Variants in SYTL5 observed in about 807,000 individuals in gnomAD.
SYTL5 encodes synaptotagmin-like protein 5.
SYTL5 carries 34 observed loss-of-function variants against 55.9 expected under a neutral mutation model. The observed-to-expected ratio is 0.61, with a 90% CI of 0.46 to 0.81. The LOEUF (loss-of-function observed/expected upper bound fraction) is 0.81. Ranked by LOEUF, SYTL5 falls within the 30% of genes least tolerant of loss-of-function variation. The probability of loss-of-function intolerance (pLI) is 0.00; values close to 1 mark genes in which losing one functional copy is unlikely to be tolerated. For missense variants in SYTL5, 637 were observed against 546.7 expected (o/e 1.17, Z -1.65); for synonymous variants, 221 against 188.7 (o/e 1.17, Z -1.40).
intron 6 of SYTL5, among the ~76,000 whole-genome samples, chrX:38,078,923 G>A (rs1479763235): frequency 3.6e-5 from 4 of 112,212 alleles, no homozygotes; most frequent in Admixed American, 1.9e-4. Flanking sequence ...GAGTGCTTTG[G>A]CTTAAGCATG....
chrX:37,946,972 G>C, the SYTL5 span, among the ~76,000 whole-genome samples: 1 of 110,773 alleles, frequency 9.0e-6, no homozygotes, highest in African/African-American at 3.3e-5. Flanking sequence ...GGAATACATG[G>C]ATAATAAGTA....
chrX:37,952,777 T>A, the SYTL5 span, among the ~76,000 whole-genome samples: 1 of 111,057 alleles, frequency 9.0e-6, no homozygotes, highest in Non-Finnish European at 1.9e-5. Flanking sequence ...GAGAAAATGA[T>A]AGATTCAAGA....
chrX:37,903,656 A>C, the SYTL5 span, among the ~76,000 whole-genome samples: 1 of 110,606 alleles, frequency 9.0e-6, no homozygotes, highest in African/African-American at 3.3e-5. Flanking sequence ...CATATGTAAC[A>C]AACCTGCACG....
At chrX:37,931,993 A>G in the SYTL5 span, among the ~76,000 whole-genome samples, 4 of 112,037 alleles carry the variant, frequency 3.6e-5, no homozygotes, top group Non-Finnish European at 5.6e-5. Context: ...GAAATAGAAT[A>G]ATAGGATTTG....
chrX:38,096,753 A>G (rs1298263432), intron 9 of SYTL5, among the ~76,000 whole-genome samples: 1 of 111,461 alleles, frequency 9.0e-6, no homozygotes, highest in Admixed American at 9.6e-5. Context: ...TGTAATTGCT[A>G]TAATAAAATA....
chrX:37,969,020 G>C, the SYTL5 span, among the ~76,000 whole-genome samples: 11 of 111,235 alleles, frequency 9.9e-5, no homozygotes, highest in African/African-American at 2.9e-4. Context: ...CTATTTTCTT[G>C]GTAACCATAG....
At chrX:37,900,141 C>G in the SYTL5 span, among the ~76,000 whole-genome samples, 1 of 109,234 alleles carries the variant, frequency 9.2e-6, no homozygotes, top group South Asian at 3.8e-4. Context: ...CACACACACA[C>G]AATGGTGAGG....
chrX:37,999,582 AAG>A, the SYTL5 span, among the ~76,000 whole-genome samples: 21 of 111,984 alleles, frequency 1.9e-4, no homozygotes, highest in African/African-American at 6.8e-4. Context: ...CATGACAAGA[AAG>A]GGGAAAATAG....
chrX:37,908,203 G>T, the SYTL5 span, among the ~76,000 whole-genome samples: 1 of 111,155 alleles, frequency 9.0e-6, no homozygotes, highest in African/African-American at 3.3e-5. Context: ...ACAATATCAG[G>T]GTTCTGAGTC....
At chrX:37,899,297 GC>G in the SYTL5 span, among the ~76,000 whole-genome samples, 42 of 111,203 alleles carry the variant, frequency 3.8e-4, no homozygotes, top group Non-Finnish European at 5.3e-4. Context: ...GAACTCCTCA[GC>G]TCAAGCATCC....
At chrX:37,909,777 C>T in the SYTL5 span, among the ~76,000 whole-genome samples, 14 of 109,840 alleles carry the variant, frequency 1.3e-4, no homozygotes, top group South Asian at 8.0e-4. Flanking sequence ...CAGGTTCAAG[C>T]GATTCTCCTG....
At chrX:38,103,929 G>T (rs1182293930) in intron 10 of SYTL5, among the ~76,000 whole-genome samples, 1 of 111,543 alleles carries the variant, frequency 9.0e-6, no homozygotes, top group African/African-American at 3.3e-5. Flanking sequence ...TGCTACAAGT[G>T]AAAGAAATTG....
chrX:38,061,030 C>T (rs191765729), intron 3 of SYTL5, among the ~76,000 whole-genome samples: 92 of 111,757 alleles, frequency 8.2e-4, no homozygotes, highest in African/African-American at 2.6e-3. Flanking sequence ...GGTCTATCTT[C>T]AATGGTTACA....
At chrX:37,893,537 AATATATAATCTATAGATTATAGATTAT>A in the SYTL5 span, among the ~76,000 whole-genome samples, 1 of 89,646 alleles carries the variant, frequency 1.1e-5, no homozygotes, top group Admixed American at 1.4e-4. Context: ...ATCTATAGAT[AATATATAATCTATAGATTATAGATTAT>A]ATATACAATC....
chrX:38,111,703 A>G (rs963693494), intron 13 of SYTL5, among the ~76,000 whole-genome samples: 2 of 112,236 alleles, frequency 1.8e-5, no homozygotes, highest in African/African-American at 6.5e-5. Context: ...CACACTGTTC[A>G]GAAGAGGAGA....
chrX:38,020,929 A>G (rs142120263), intron 1 of SYTL5, among the ~76,000 whole-genome samples: 1 of 112,045 alleles, frequency 8.9e-6, no homozygotes, highest in East Asian at 2.8e-4. Context: ...AAAGTAGCAC[A>G]TCTATGTTAT....
At chrX:38,034,219 T>C (rs755140289) in intron 2 of SYTL5, among the ~76,000 whole-genome samples, 3 of 112,165 alleles carry the variant, frequency 2.7e-5, no homozygotes, top group African/African-American at 9.7e-5. Context: ...TAAAGTGGTA[T>C]TGATGAGAAC....
At chrX:38,027,336 T>C (rs1181458571) in intron 1 of SYTL5, among the ~76,000 whole-genome samples, 1 of 112,314 alleles carries the variant, frequency 8.9e-6, no homozygotes, top group East Asian at 2.8e-4. Context: ...AACAAGCTGA[T>C]ATGGAGTCAC....
intron 1 of SYTL5, among the ~76,000 whole-genome samples, chrX:38,028,221 G>A (rs1019312676): frequency 9.0e-6 from 1 of 111,538 alleles, no homozygotes; most frequent in Non-Finnish European, 1.9e-5. Context: ...CCCTGTACAG[G>A]GAATGTGTAG....
Sources: allele counts gnomAD v4.1 joint callset (sites outside exome capture counted in the v4.1 genomes callset), GRCh38; gene constraint gnomAD v4.1.1; transcripts MANE v1.5; gene names NCBI Gene and HGNC (gene_info 2026-07-23, HGNC 2026-07-21).